ZNF407: variants seen among roughly 807,000 people sequenced by gnomAD.
ZNF407 encodes the protein zinc finger protein 407.
ZNF407 carries 17 observed loss-of-function variants against 131.2 expected under a neutral mutation model. The ratio of observed to expected loss-of-function variants is 0.13; its 90% CI spans 0.09 to 0.19. The LOEUF (loss-of-function observed/expected upper bound fraction) is 0.19. ZNF407 is among the 10% of genes least tolerant of loss of function. The pLI is 1.00. For synonymous variants in ZNF407, 1,156 were observed against 1,062.0 expected (o/e 1.09, Z -1.72); for missense variants, 2,681 against 2,830.6 (o/e 0.95, Z 1.20).
intron 8 of ZNF407, among the ~76,000 whole-genome samples, chr18:74,992,358 G>A (rs996152330): frequency 1.3e-5 from 2 of 152,196 alleles, no homozygotes; most frequent in African/African-American, 2.4e-5. Flanking sequence ...TACCATAGTC[G>A]ATTGGAAGGT....
At chr18:74,962,288 A>G (rs549728666) in intron 8 of ZNF407, among the ~76,000 whole-genome samples, 6 of 152,242 alleles carry the variant, frequency 3.9e-5, no homozygotes, top group Non-Finnish European at 7.3e-5. Context: ...CAGGGACACA[A>G]TGATTTCCTC....
intron 3 of ZNF407, among the ~76,000 whole-genome samples, chr18:74,713,369 T>C (rs1967814650): frequency 6.6e-6 from 1 of 150,740 alleles, no homozygotes; most frequent in Non-Finnish European, 1.5e-5. Flanking sequence ...TTTTTTTTTT[T>C]TTTTTTTTTT....
intron 4 of ZNF407, among the ~76,000 whole-genome samples, chr18:74,793,516 A>G (rs979531058): frequency 6.6e-6 from 1 of 152,226 alleles, no homozygotes; most frequent in Non-Finnish European, 1.5e-5. Context: ...TACCCCATTC[A>G]GTAAAGGAGA....
intron 8 of ZNF407, among the ~76,000 whole-genome samples, chr18:74,951,893 A>C (rs1178126366): frequency 1.1e-5 from 1 of 91,690 alleles, no homozygotes; most frequent in South Asian, 2.9e-4. Flanking sequence ...AGGATCTGAC[A>C]AAAAAAAAAA....
At chr18:74,909,399 A>G (rs1309795179) in intron 7 of ZNF407, among the ~76,000 whole-genome samples, 1 of 152,138 alleles carries the variant, frequency 6.6e-6, no homozygotes, top group African/African-American at 2.4e-5. Flanking sequence ...AATCCTCATG[A>G]TGGCATTCTG....
At chr18:74,840,967 A>C (rs984342890) in intron 4 of ZNF407, among the ~76,000 whole-genome samples, 4 of 152,062 alleles carry the variant, frequency 2.6e-5, no homozygotes, top group African/African-American at 4.8e-5. Context: ...ATTTGCGCAG[A>C]GCTCCTCCCT....
chr18:74,871,709 A>G (rs761541081), intron 4 of ZNF407, among the ~76,000 whole-genome samples: 1 of 152,212 alleles, frequency 6.6e-6, no homozygotes, highest in Non-Finnish European at 1.5e-5. Context: ...TTTGTCTCAT[A>G]TACTAATTTG....
intron 3 of ZNF407, among the ~76,000 whole-genome samples, chr18:74,713,425 G>T (rs2144851853): frequency 8.3e-6 from 1 of 120,926 alleles, no homozygotes; most frequent in Admixed American, 1.0e-4. Flanking sequence ...AGTATTATGT[G>T]ATTAAAACAT....
intron 8 of ZNF407, among the ~76,000 whole-genome samples, chr18:75,022,227 T>C (rs1484644904): frequency 6.6e-6 from 1 of 152,166 alleles, no homozygotes; most frequent in Non-Finnish European, 1.5e-5. Flanking sequence ...ATGGTGCTCA[T>C]TGGTTCCTAG....
At chr18:74,789,648 G>T (rs1301529129) in intron 4 of ZNF407, among the ~76,000 whole-genome samples, 1 of 152,156 alleles carries the variant, frequency 6.6e-6, no homozygotes, top group African/African-American at 2.4e-5. Context: ...CCCAGGGAAA[G>T]AGCCTGGGCT....
chr18:74,997,488 A>C (rs960063714), intron 8 of ZNF407, among the ~76,000 whole-genome samples: 1 of 152,088 alleles, frequency 6.6e-6, no homozygotes, highest in East Asian at 1.9e-4. Context: ...ACATAACAAA[A>C]ACTTAAGTAA....
chr18:75,037,401 G>C (rs1041164177), intron 8 of ZNF407, among the ~76,000 whole-genome samples: 4 of 151,776 alleles, frequency 2.6e-5, no homozygotes, highest in Non-Finnish European at 1.5e-5. Flanking sequence ...AGATTGTGTT[G>C]CTGACAGACT....
At position 74,682,691 on chromosome 18, in the gene ZNF407, A is replaced by G. The variant is rs553388583; in HGVS notation, c.4802+41569A>G. ...ATTTGATGTAACATAAGAACATATT[A>G]CAATGGCTGTGCTGTTTTTCTATCT... On this transcript the variant is annotated intron_variant, in intron 3 of 8. Coordinates refer to ENST00000299687, the MANE Select transcript of ZNF407 (RefSeq NM_017757.3). Among the ~76,000 whole-genome samples the G allele has an allele frequency of 1.1e-4, 16 of 152,326 alleles. No individual in the cohort carries two copies. In the East Asian group the frequency reaches 2.7e-3, roughly 26 times the overall value.
chr18:74,624,529 C>T (rs1266774649), intron 1 of ZNF407, among the ~76,000 whole-genome samples: 1 of 152,174 alleles, frequency 6.6e-6, no homozygotes, highest in Non-Finnish European at 1.5e-5. Flanking sequence ...CTCTTTCTGC[C>T]TTTAGATTGT....
chr18:74,696,567 G>A (rs902017678), intron 3 of ZNF407, among the ~76,000 whole-genome samples: 2 of 152,138 alleles, frequency 1.3e-5, no homozygotes, highest in African/African-American at 4.8e-5. Flanking sequence ...ATGCCTCCAC[G>A]GAACTTTTCT....
At position 74,807,632 on chromosome 18, in the gene ZNF407, A is replaced by G. The variant is rs192170162; in HGVS notation, c.4877+26130A>G. Among the ~76,000 whole-genome samples the G allele has an allele frequency of 2.9e-3, 441 of 152,346 alleles. 1 individual carries two copies. The highest frequency in any genetic ancestry group is 5.4e-3 in the Non-Finnish European group (369 of 68,036). On this transcript the variant is annotated intron_variant, in intron 4 of 8. Coordinates refer to ENST00000299687, the MANE Select transcript of ZNF407 (RefSeq NM_017757.3). ...GACATAGTAAAGTAATATTTGTACC[A>G]CTTTAAAATGTATCCAATAGAATGT...
chr18:75,002,343 A>G (rs1249469375), intron 8 of ZNF407, among the ~76,000 whole-genome samples: 1 of 152,232 alleles, frequency 6.6e-6, no homozygotes, highest in African/African-American at 2.4e-5. Context: ...CTCCCTCGCT[A>G]GGAGCCCTCT....
At chr18:74,754,104 T>G in intron 3 of ZNF407, among the ~76,000 whole-genome samples, 1 of 152,220 alleles carries the variant, frequency 6.6e-6, no homozygotes, top group East Asian at 1.9e-4. Context: ...AATTTATCCA[T>G]TTCTTCTAGA....
intron 8 of ZNF407, among the ~76,000 whole-genome samples, chr18:74,977,913 A>G (rs1205774599): frequency 6.6e-6 from 1 of 152,176 alleles, no homozygotes; most frequent in African/African-American, 2.4e-5. Context: ...GGGGATTTTT[A>G]GTACTTTTCA....
Sources: allele counts gnomAD v4.1 joint callset (sites outside exome capture counted in the v4.1 genomes callset), GRCh38; gene constraint gnomAD v4.1.1; transcripts MANE v1.5; gene names NCBI Gene and HGNC (gene_info 2026-07-23, HGNC 2026-07-21).